GPHN: variants seen among roughly 807,000 people sequenced by gnomAD.
The protein encoded by GPHN is gephyrin.
A neutral mutation model predicts 95.5 loss-of-function variants in GPHN; 17 were observed. The ratio of observed to expected loss-of-function variants is 0.18; its 90% CI spans 0.12 to 0.27. The LOEUF (loss-of-function observed/expected upper bound fraction) is 0.27. Ranked by LOEUF, GPHN falls within the 10% of genes least tolerant of loss-of-function variation. The pLI is 1.00. For missense variants in GPHN, 660 were observed against 978.1 expected, an observed-to-expected ratio of 0.67 and a Z score of 4.34; for synonymous variants, 320 against 322.5, an observed-to-expected ratio of 0.99 and a Z score of 0.08.
the GPHN span, among the ~76,000 whole-genome samples, chr14:67,308,328 T>C: frequency 2.1e-5 from 3 of 144,774 alleles, no homozygotes; most frequent in African/African-American, 5.2e-5. Context: ...TTTTTTTTTT[T>C]CTTTTTTTTC....
the GPHN span, among the ~76,000 whole-genome samples, chr14:67,208,893 T>C: frequency 7.6e-6 from 1 of 131,848 alleles, no homozygotes. Flanking sequence ...TAAAACTCTG[T>C]CTCAAAAAAA....
chr14:66,956,828 A>T (rs1172773842), intron 8 of GPHN, among the ~76,000 whole-genome samples: 2 of 151,922 alleles, frequency 1.3e-5, no homozygotes, highest in Non-Finnish European at 2.9e-5. Context: ...TATGGATGAA[A>T]TTGGAAATCA....
intron 5 of GPHN, among the ~76,000 whole-genome samples, chr14:66,900,568 A>G (rs1267945981): frequency 2.0e-5 from 3 of 151,584 alleles, no homozygotes; most frequent in Non-Finnish European, 4.4e-5. Context: ...GGCCCCTGGT[A>G]ACAACCAATC....
chr14:66,689,069 A>T (rs560145854), intron 2 of GPHN, among the ~76,000 whole-genome samples: 11 of 152,262 alleles, frequency 7.2e-5, no homozygotes, highest in Non-Finnish European at 8.8e-5. Flanking sequence ...ATAATTTTTT[A>T]AAAAAAGAAA....
intron 9 of GPHN, among the ~76,000 whole-genome samples, chr14:66,998,131 A>G (rs1300356789): frequency 1.3e-5 from 2 of 152,162 alleles, no homozygotes; most frequent in Non-Finnish European, 2.9e-5. Flanking sequence ...GGAATGTGGA[A>G]CTGGCTTCTT....
intron 9 of GPHN, among the ~76,000 whole-genome samples, chr14:67,021,901 T>G (rs1294296515): frequency 6.6e-6 from 1 of 152,138 alleles, no homozygotes; most frequent in African/African-American, 2.4e-5. Context: ...TTCTACATCT[T>G]GTTGAATGAA....
chr14:67,721,750 T>C, the GPHN span, among the ~76,000 whole-genome samples: 2 of 149,262 alleles, frequency 1.3e-5, no homozygotes, highest in African/African-American at 2.5e-5. Context: ...TATATATATA[T>C]ATATATATAT....
chr14:66,986,393 T>C (rs183523721), intron 9 of GPHN, among the ~76,000 whole-genome samples: 2 of 152,250 alleles, frequency 1.3e-5, no homozygotes. Context: ...TGTTTGTCCA[T>C]TTGTGTATAT....
intron 1 of GPHN, among the ~76,000 whole-genome samples, chr14:66,530,318 G>A (rs775326771): frequency 6.6e-6 from 1 of 152,046 alleles, no homozygotes; most frequent in Non-Finnish European, 1.5e-5. Context: ...GAGTGTCCCT[G>A]GTCAACTTCA....
At chr14:66,747,065 G>A (rs140188606) in intron 2 of GPHN, among the ~76,000 whole-genome samples, 30 of 152,270 alleles carry the variant, frequency 2.0e-4, no homozygotes, top group African/African-American at 7.0e-4. Flanking sequence ...ACACCACATA[G>A]TGCTCAGTTC....
chr14:66,636,441 T>G (rs1252716536), intron 1 of GPHN, among the ~76,000 whole-genome samples: 1 of 152,122 alleles, frequency 6.6e-6, no homozygotes, highest in Non-Finnish European at 1.5e-5. Flanking sequence ...ATAGCTAATT[T>G]ATACTCAGTC....
chr14:66,687,857 T>A (rs191150403), intron 2 of GPHN, among the ~76,000 whole-genome samples: 12 of 152,328 alleles, frequency 7.9e-5, no homozygotes, highest in Non-Finnish European at 4.4e-5. Context: ...TCAATTTCTT[T>A]CATCAGTTTT....
chr14:67,615,879 G>T, the GPHN span: 1 of 606,228 alleles, frequency 1.6e-6, no homozygotes, highest in South Asian at 1.7e-5. Context: ...GGAGGGATGT[G>T]GAATAACACT....
chr14:67,462,880 C>T, the GPHN span, among the ~76,000 whole-genome samples: 1 of 152,296 alleles, frequency 6.6e-6, no homozygotes, highest in South Asian at 2.1e-4. Context: ...CCCACCAATA[C>T]CATAGCCAAT....
chr14:67,083,117 A>G (rs926223804), intron 11 of GPHN, among the ~76,000 whole-genome samples: 8 of 152,234 alleles, frequency 5.3e-5, no homozygotes, highest in Non-Finnish European at 8.8e-5. Flanking sequence ...CACAAAGGAA[A>G]TAAAAATTGC....
At chr14:67,724,788 T>A in the GPHN span, among the ~76,000 whole-genome samples, 1 of 152,238 alleles carries the variant, frequency 6.6e-6, no homozygotes, top group East Asian at 1.9e-4. Context: ...TCCTATTCCC[T>A]CTCTATTAAA....
At chr14:67,046,277 G>A (rs143429931) in intron 10 of GPHN, among the ~76,000 whole-genome samples, 3,018 of 152,124 alleles carry the variant, frequency 0.02, 39 homozygotes, top group Middle Eastern at 0.034. Flanking sequence ...CATTATTTGA[G>A]CACTTTCTTA....
At chr14:67,275,693 A>G in the GPHN span, among the ~76,000 whole-genome samples, 2 of 152,208 alleles carry the variant, frequency 1.3e-5, no homozygotes, top group South Asian at 2.1e-4. Flanking sequence ...TTCAGAAGGA[A>G]TGGTACCAGC....
chr14:67,053,061 A>G (rs1224929012), intron 10 of GPHN, among the ~76,000 whole-genome samples: 1 of 151,182 alleles, frequency 6.6e-6, no homozygotes, highest in African/African-American at 2.4e-5. Flanking sequence ...CAAAAAAGAA[A>G]AAAAAAAGGC....
Sources: gnomAD v4.1 joint callset for allele counts (sites outside exome capture counted in the v4.1 genomes callset) on GRCh38, gnomAD v4.1.1 for gene constraint, MANE v1.5 for transcripts, NCBI Gene and HGNC (gene_info 2026-07-23, HGNC 2026-07-21) for gene names.